Variants in VWA3B observed in about 807,000 individuals in gnomAD.
VWA3B encodes the protein von Willebrand factor A domain-containing protein 3B.
Under a neutral mutation model 158.3 loss-of-function variants are expected in VWA3B, and 138 were observed. The ratio of observed to expected loss-of-function variants is 0.87; its 90% CI spans 0.76 to 1.00. The LOEUF (loss-of-function observed/expected upper bound fraction) is 1.00. Ranked by LOEUF, VWA3B falls within the 50% of genes least tolerant of loss-of-function variation. The pLI, the probability that VWA3B is intolerant of heterozygous loss-of-function variation, is 0.00. For missense variants in VWA3B, 1,555 were observed against 1,565.1 expected (o/e 0.99, Z 0.11); for synonymous variants, 596 against 587.3 (o/e 1.01, Z -0.21).
At chr2:98,282,344 A>T (rs926524757) in intron 22 of VWA3B, among the ~76,000 whole-genome samples, 1 of 152,162 alleles carries the variant, frequency 6.6e-6, no homozygotes, top group African/African-American at 2.4e-5. Flanking sequence ...AATTCCTTCC[A>T]TAAAGTCCCA....
intron 7 of VWA3B, among the ~76,000 whole-genome samples, chr2:98,155,270 G>A (rs1347769373): frequency 1.3e-5 from 2 of 152,178 alleles, no homozygotes; most frequent in African/African-American, 4.8e-5. Context: ...ATTACAAACT[G>A]GGTGGTTTCA....
At position 98,115,696 on chromosome 2, in the gene VWA3B, G is replaced by A; in HGVS notation, c.241G>A (p.Asp81Asn). ...LGRPVASRYA[D>N]GLFPQLYRAE... ...GAGACCTGTGGCTTCTCGGTATGCT[G>A]ATGGTCTGTTTCCACAGCTCTACAG... The change falls in exon 3 of 28, where the codon GAT becomes AAT. Residue 81 changes from aspartate (D) to asparagine (N), a missense_variant. Coordinates refer to ENST00000477737, the MANE Select transcript of VWA3B (RefSeq NM_144992.5). 1.2e-6 allele frequency: 2 copies of A among 1,613,810 alleles called. No homozygotes were observed. The highest frequency in any genetic ancestry group is 1.7e-6 in the Non-Finnish European group (2 of 1,180,032).
chr2:98,275,508 T>C (rs1468314943), intron 22 of VWA3B, among the ~76,000 whole-genome samples: 1 of 152,172 alleles, frequency 6.6e-6, no homozygotes. Flanking sequence ...TTAGAAGGCC[T>C]GAGTAGCGTC....
rs181532200 is a variant in VWA3B, at chr2:98,259,496, G to A, written c.2843+3322G>A. 2.6e-4 allele frequency among the ~76,000 whole-genome samples: 39 copies of A among 151,660 alleles called. 1 individual carries two copies. In the East Asian group the frequency reaches 3.1e-3, roughly 12 times the overall value. On this transcript the variant is annotated intron_variant, in intron 21 of 27. Transcript: ENST00000477737. ...TTTGGTAATCTGTTTCTAGGAATTT[G>A]TGCATTTCATCTAGATTATCTATTT...
At chr2:98,180,980 T>TG (rs1345177130) in intron 8 of VWA3B, 36 bp from the exon 9 acceptor site, 1 of 1,605,526 alleles carries the variant, frequency 6.2e-7, no homozygotes, top group South Asian at 1.1e-5. Flanking sequence ...GAATGGCTCA[T>TG]GCAGTATGAA....
At position 98,093,175 on chromosome 2, in the gene VWA3B, T is replaced by C. The variant is rs371203515; in HGVS notation, c.83T>C (p.Leu28Ser). 6.2e-7 allele frequency: 1 copy of C among 1,614,144 alleles called. No homozygotes were observed. Among genetic ancestry groups the C allele is most frequent in the Non-Finnish European group, 8.5e-7 (1 of 1,180,012 alleles). ...GGATGGATTAACACCAAAACAGACT[T>C]GGCTGAGCAGAGTCTCATTTCATCT... ...QEGWINTKTD[L>S]AEQSLISSEK... The change falls in exon 2 of 28, where the codon TTG becomes TCG. Residue 28 changes from leucine to serine, a missense_variant. By Grantham distance (145) the Leu-to-Ser change is moderately radical (BLOSUM62 -2). Coordinates refer to ENST00000477737, the MANE Select transcript of VWA3B (RefSeq NM_144992.5).
At chr2:98,175,028 A>G (rs1218585676) in intron 8 of VWA3B, among the ~76,000 whole-genome samples, 1 of 152,248 alleles carries the variant, frequency 6.6e-6, no homozygotes, top group Non-Finnish European at 1.5e-5. Flanking sequence ...CCAAATCACA[A>G]CAAACTCTGG....
At chr2:98,140,749 G>A (rs1034782317) in intron 7 of VWA3B, among the ~76,000 whole-genome samples, 4 of 152,108 alleles carry the variant, frequency 2.6e-5, no homozygotes, top group Non-Finnish European at 5.9e-5. Context: ...GTTAATAAGC[G>A]TGGATTTTCT....
intron 1 of VWA3B, among the ~76,000 whole-genome samples, chr2:98,090,722 C>A (rs1682219317): frequency 6.6e-6 from 1 of 152,068 alleles, no homozygotes; most frequent in Non-Finnish European, 1.5e-5. Context: ...TTCACATAAA[C>A]CTTGAAATGG....
intron 7 of VWA3B, among the ~76,000 whole-genome samples, chr2:98,161,903 C>T (rs1489763569): frequency 2.0e-5 from 3 of 152,180 alleles, no homozygotes; most frequent in African/African-American, 7.2e-5. Flanking sequence ...GACGGGGTTT[C>T]ACCATGTTGG....
In VWA3B at chr2:98,133,899, G is replaced by T; in HGVS notation, c.948G>T (p.Met316Ile). The T allele has an allele frequency of 6.2e-7, 1 of 1,614,156 alleles. No homozygotes were observed. The highest frequency in any genetic ancestry group is 8.5e-7 in the Non-Finnish European group (1 of 1,180,038). ...CCACAAAGGATGGTGACAATGTGAT[G>T]ACTTGGAATTCAAGGAAACTGAAAG... ...AFSTKDGDNV[M>I]TWNSRKLKGK... The change falls in exon 7 of 28, where the codon ATG (methionine) becomes ATT (isoleucine). Residue 316 changes from methionine to isoleucine, a missense_variant. By Grantham distance (10) the Met-to-Ile change is conservative (BLOSUM62 1). Transcript: ENST00000477737.
intron 1 of VWA3B, among the ~76,000 whole-genome samples, chr2:98,089,540 TC>T (rs1290005066): frequency 2.6e-5 from 4 of 151,922 alleles, no homozygotes; most frequent in African/African-American, 7.3e-5. Context: ...GGGGGCTACG[TC>T]CCGGCTCGCA....
At chr2:98,182,277 G>A (rs1680657541) in intron 9 of VWA3B, among the ~76,000 whole-genome samples, 1 of 152,166 alleles carries the variant, frequency 6.6e-6, no homozygotes, top group African/African-American at 2.4e-5. Context: ...CAGCAGAGGG[G>A]GAACTCCAGT....
intron 7 of VWA3B, among the ~76,000 whole-genome samples, chr2:98,153,527 AAAT>A (rs1182038215): frequency 6.6e-6 from 1 of 152,232 alleles, no homozygotes; most frequent in African/African-American, 2.4e-5. Flanking sequence ...TAAAGGGAAA[AAAT>A]AACCAAGTCA....
intron 26 of VWA3B, among the ~76,000 whole-genome samples, chr2:98,305,856 T>C (rs1448021357): frequency 6.6e-6 from 1 of 152,080 alleles, no homozygotes; most frequent in Non-Finnish European, 1.5e-5. Context: ...CTTCCTCACA[T>C]GCAAATCTGC....
chr2:98,163,685 G>T (rs1331116149), intron 8 of VWA3B, among the ~76,000 whole-genome samples: 12 of 152,226 alleles, frequency 7.9e-5, no homozygotes, highest in Non-Finnish European at 1.8e-4. Context: ...AGGTCAGGGG[G>T]ACGCCAGTGG....
chr2:98,215,020 G>A (rs1207995872), intron 13 of VWA3B, among the ~76,000 whole-genome samples: 1 of 152,096 alleles, frequency 6.6e-6, no homozygotes. Context: ...GGACTTCTGA[G>A]GCTCTGGAAT....
intron 21 of VWA3B, among the ~76,000 whole-genome samples, chr2:98,264,634 A>T (rs1442921617): frequency 6.6e-6 from 1 of 152,124 alleles, no homozygotes; most frequent in Admixed American, 6.5e-5. Context: ...CCTAACATTC[A>T]GTCTATTCTG....
intron 8 of VWA3B, among the ~76,000 whole-genome samples, chr2:98,180,786 C>T (rs981867303): frequency 1.3e-5 from 2 of 152,192 alleles, no homozygotes; most frequent in African/African-American, 4.8e-5. Context: ...AAAAAGTAAC[C>T]CTGCTTTGCA....
Sources: allele counts gnomAD v4.1 joint callset (sites outside exome capture counted in the v4.1 genomes callset), GRCh38; gene constraint gnomAD v4.1.1; transcripts MANE v1.5; gene names NCBI Gene and HGNC (gene_info 2026-07-23, HGNC 2026-07-21).